GALNTL6: variants seen among roughly 807,000 people sequenced by gnomAD.
GALNTL6 encodes the protein polypeptide N-acetylgalactosaminyltransferase-like 6.
In GALNTL6, 46 loss-of-function variants were observed where a neutral mutation model predicts 73.7. That is an observed-to-expected ratio of 0.62 (90% CI 0.49 to 0.80). The LOEUF (loss-of-function observed/expected upper bound fraction) is 0.80. Ranked by LOEUF, GALNTL6 falls within the 30% of genes least tolerant of loss-of-function variation. The pLI, the probability that GALNTL6 is intolerant of heterozygous loss-of-function variation, is 0.00. For missense variants in GALNTL6, 604 were observed against 755.0 expected (o/e 0.80, Z 2.34); for synonymous variants, 259 against 263.7 (o/e 0.98, Z 0.17).
At chr4:172,457,666 A>G (rs1732448067) in intron 5 of GALNTL6, among the ~76,000 whole-genome samples, 1 of 152,196 alleles carries the variant, frequency 6.6e-6, no homozygotes, top group Non-Finnish European at 1.5e-5. Flanking sequence ...TAACTATCCT[A>G]AATATATATG....
chr4:172,876,143 A>G (rs1381170021), intron 7 of GALNTL6, among the ~76,000 whole-genome samples: 1 of 152,214 alleles, frequency 6.6e-6, no homozygotes, highest in Non-Finnish European at 1.5e-5. Flanking sequence ...TTCACAGAGG[A>G]GTCTACTATT....
At chr4:172,524,374 G>A (rs1226466645) in intron 5 of GALNTL6, among the ~76,000 whole-genome samples, 1 of 151,878 alleles carries the variant, frequency 6.6e-6, no homozygotes, top group Non-Finnish European at 1.5e-5. Flanking sequence ...TCAGCCTCCC[G>A]AGTAGCTGGG....
rs535254716 is a variant in GALNTL6 at position 172,492,480 on chromosome 4, A to G, written c.553+143791A>G. The stretch of plus-strand genomic sequence containing the variant: ...ATTCAATATTACTTTTTTATTTTAA[A>G]AAATGTTGGCAATTTGAAGAAACTT... On this transcript the variant is annotated intron_variant, in intron 5 of 12. Coordinates refer to ENST00000506823, the MANE Select transcript of GALNTL6 (RefSeq NM_001034845.3). 2.6e-3 allele frequency among the ~76,000 whole-genome samples: 398 copies of G among 152,308 alleles called. 3 individuals carry two copies. Among genetic ancestry groups the G allele is most frequent in the African/African-American group, 8.7e-3 (361 of 41,574 alleles).
At chr4:172,377,861 G>A (rs922358368) in intron 5 of GALNTL6, among the ~76,000 whole-genome samples, 2 of 152,096 alleles carry the variant, frequency 1.3e-5, no homozygotes, top group Non-Finnish European at 2.9e-5. Context: ...CACCCACCCA[G>A]AATTCACGCT....
intron 7 of GALNTL6, among the ~76,000 whole-genome samples, chr4:172,830,200 G>A (rs769327455): frequency 1.3e-5 from 2 of 152,216 alleles, no homozygotes; most frequent in South Asian, 2.1e-4. Flanking sequence ...TTTTGACATG[G>A]CAGAGATAAA....
intron 5 of GALNTL6, among the ~76,000 whole-genome samples, chr4:172,498,419 T>C (rs1410331819): frequency 6.6e-6 from 1 of 152,204 alleles, no homozygotes; most frequent in African/African-American, 2.4e-5. Context: ...CTAAAATAAA[T>C]GTGTACTCTA....
chr4:172,444,471 G>A (rs1256316125), intron 5 of GALNTL6, among the ~76,000 whole-genome samples: 2 of 152,138 alleles, frequency 1.3e-5, no homozygotes, highest in African/African-American at 4.8e-5. Flanking sequence ...TTGTAAATTG[G>A]TTGTTTGAGA....
At chr4:172,649,515 C>G (rs1740383776) in intron 5 of GALNTL6, among the ~76,000 whole-genome samples, 1 of 152,168 alleles carries the variant, frequency 6.6e-6, no homozygotes, top group Middle Eastern at 3.2e-3. Flanking sequence ...TGATGATGTG[C>G]TCTCTTCTGT....
intron 5 of GALNTL6, among the ~76,000 whole-genome samples, chr4:172,514,448 A>C (rs1031354325): frequency 3.3e-5 from 5 of 152,094 alleles, no homozygotes; most frequent in Non-Finnish European, 7.4e-5. Context: ...AGCAGCACTG[A>C]GTTTATATCC....
intron 7 of GALNTL6, among the ~76,000 whole-genome samples, chr4:172,838,682 T>G (rs1026588657): frequency 7.9e-5 from 12 of 152,126 alleles, no homozygotes; most frequent in African/African-American, 2.9e-4. Context: ...AGTTTAGAAA[T>G]AGCATGCTTT....
intron 11 of GALNTL6, among the ~76,000 whole-genome samples, chr4:173,014,352 G>A (rs575635932): frequency 6.6e-6 from 1 of 152,358 alleles, no homozygotes; most frequent in South Asian, 2.1e-4. Flanking sequence ...GAGTCCAAGG[G>A]AGAGGAGTGG....
At chr4:172,986,227 T>A (rs142370392) in intron 10 of GALNTL6, among the ~76,000 whole-genome samples, 3 of 152,282 alleles carry the variant, frequency 2.0e-5, no homozygotes, top group African/African-American at 7.2e-5. Flanking sequence ...TCATCACACA[T>A]TATTCTTAAA....
At chr4:171,984,058 G>A (rs1316963080) in intron 2 of GALNTL6, among the ~76,000 whole-genome samples, 2 of 152,102 alleles carry the variant, frequency 1.3e-5, no homozygotes, top group East Asian at 1.9e-4. Flanking sequence ...TTCATTAGGG[G>A]CCCCTTGACC....
At chr4:172,023,339 A>T (rs1156651542) in intron 2 of GALNTL6, among the ~76,000 whole-genome samples, 1 of 151,180 alleles carries the variant, frequency 6.6e-6, no homozygotes, top group Non-Finnish European at 1.5e-5. Flanking sequence ...AAAATACATA[A>T]CTTTTTTTTT....
rs559896727 is a variant in GALNTL6 at position 172,352,654 on chromosome 4, T to C, written c.553+3965T>C. Among the ~76,000 whole-genome samples, 3 of 152,294 alleles carry C rather than the reference T, an allele frequency of 2.0e-5. No homozygotes were observed. In the South Asian group the frequency reaches 6.2e-4, roughly 32 times the overall value. On this transcript the variant is annotated intron_variant, in intron 5 of 12. Transcript: ENST00000506823. ...TTGAACTTGACAGTTCCCTGAACTT[T>C]GCATGCTTAGATGAATGCAAGTCTA... is the stretch of plus-strand genomic sequence containing the variant.
At chr4:172,629,537 T>C (rs936450102) in intron 5 of GALNTL6, among the ~76,000 whole-genome samples, 1 of 152,184 alleles carries the variant, frequency 6.6e-6, no homozygotes, top group African/African-American at 2.4e-5. Flanking sequence ...CTTTTGCATT[T>C]AATTAAAATT....
intron 5 of GALNTL6, among the ~76,000 whole-genome samples, chr4:172,771,920 G>A (rs1375081219): frequency 1.3e-5 from 2 of 151,936 alleles, no homozygotes; most frequent in Non-Finnish European, 2.9e-5. Flanking sequence ...ATTTGTATTA[G>A]TCTGTTTTCA....
chr4:172,293,920 C>A (rs1052355380), intron 3 of GALNTL6, among the ~76,000 whole-genome samples: 7 of 150,928 alleles, frequency 4.6e-5, no homozygotes, highest in African/African-American at 7.3e-5. Context: ...TGCAAACTTA[C>A]CTTCAACATT....
intron 2 of GALNTL6, among the ~76,000 whole-genome samples, chr4:172,220,905 G>A (rs1736649680): frequency 6.6e-6 from 1 of 151,834 alleles, no homozygotes; most frequent in Non-Finnish European, 1.5e-5. Flanking sequence ...TGGTTATTGT[G>A]AACATGATGA....
Sources: allele counts gnomAD v4.1 joint callset (sites outside exome capture counted in the v4.1 genomes callset), GRCh38; gene constraint gnomAD v4.1.1; transcripts MANE v1.5; gene names NCBI Gene and HGNC (gene_info 2026-07-23, HGNC 2026-07-21).